Variants in RANBP17 observed in about 807,000 individuals in gnomAD.
The protein encoded by RANBP17 is RAN binding protein 17.
Under a neutral mutation model 141.2 loss-of-function variants are expected in RANBP17, and 158 were observed. That is an observed-to-expected ratio of 1.12 (90% CI 0.98 to 1.28). The LOEUF is 1.28. RANBP17 is among the 50% of genes most tolerant of loss of function. The probability of loss-of-function intolerance (pLI) is 0.00; values close to 1 mark genes in which losing one functional copy is unlikely to be tolerated. For missense variants in RANBP17, 1,438 were observed against 1,290.7 expected (o/e 1.11, Z -1.75); for synonymous variants, 430 against 450.0 (o/e 0.96, Z 0.56).
chr5:171,067,315 T>G (rs961663150), intron 14 of RANBP17, among the ~76,000 whole-genome samples: 4 of 152,144 alleles, frequency 2.6e-5, no homozygotes, highest in Admixed American at 2.0e-4. Flanking sequence ...ATTATTATTA[T>G]TGCCACAAAT....
At chr5:170,994,599 A>G (rs779347470) in intron 14 of RANBP17, among the ~76,000 whole-genome samples, 2 of 152,112 alleles carry the variant, frequency 1.3e-5, no homozygotes, top group Non-Finnish European at 2.9e-5. Flanking sequence ...TTCTATCCCA[A>G]GAAATGCTGA....
At chr5:170,949,562 A>G (rs1295083384) in intron 12 of RANBP17, among the ~76,000 whole-genome samples, 1 of 152,218 alleles carries the variant, frequency 6.6e-6, no homozygotes, top group East Asian at 1.9e-4. Flanking sequence ...ATATAATAAA[A>G]AAGAAAACTA....
intron 1 of RANBP17, among the ~76,000 whole-genome samples, chr5:170,865,446 G>C (rs1767168872): frequency 6.6e-6 from 1 of 152,124 alleles, no homozygotes; most frequent in Non-Finnish European, 1.5e-5. Context: ...AGATTCCAAA[G>C]GTTGTGTCCA....
At chr5:171,081,276 G>A (rs554187599) in intron 14 of RANBP17, among the ~76,000 whole-genome samples, 102 of 152,054 alleles carry the variant, frequency 6.7e-4, no homozygotes, top group African/African-American at 2.3e-3. Context: ...ATAAGTGATG[G>A]CCTTCACATC....
intron 14 of RANBP17, among the ~76,000 whole-genome samples, chr5:171,159,413 T>A (rs930079061): frequency 1.1e-4 from 17 of 152,184 alleles, no homozygotes; most frequent in African/African-American, 4.1e-4. Flanking sequence ...CTAAGCTAGA[T>A]CCTTGATATT....
At chr5:171,228,875 G>T (rs1764033398) in intron 22 of RANBP17, among the ~76,000 whole-genome samples, 1 of 152,012 alleles carries the variant, frequency 6.6e-6, no homozygotes, top group Non-Finnish European at 1.5e-5. Flanking sequence ...AAACAAGGTT[G>T]TTGCACACTT....
chr5:170,892,129 C>CT (rs143842890), intron 3 of RANBP17, among the ~76,000 whole-genome samples: 1,357 of 131,878 alleles, frequency 0.01, 21 homozygotes, highest in African/African-American at 0.028. Flanking sequence ...TCACAAAATT[C>CT]TTTTTTTTTT....
chr5:170,981,412 T>C (rs1352233527), intron 14 of RANBP17, among the ~76,000 whole-genome samples: 1 of 152,176 alleles, frequency 6.6e-6, no homozygotes, highest in Non-Finnish European at 1.5e-5. Context: ...TCTTGAATTC[T>C]CGTGTGTTGT....
At chr5:171,090,179 G>A (rs1271110612) in intron 14 of RANBP17, among the ~76,000 whole-genome samples, 1 of 152,186 alleles carries the variant, frequency 6.6e-6, no homozygotes, top group African/African-American at 2.4e-5. Context: ...CTTGTTGAAT[G>A]GCTTTGACCA....
chr5:170,919,442 A>C lies in RANBP17; in HGVS notation c.1103A>C (p.His368Pro), dbSNP rs773505311. 8 of 1,561,476 alleles carry C rather than the reference A, an allele frequency of 5.1e-6. 1 individual carries two copies. In the South Asian group the frequency reaches 9.8e-5, roughly 19 times the overall value. The change falls in exon 11 of 28, where the codon CAC (histidine) becomes CCC (proline). Residue 368 changes from histidine (H) to proline (P), a missense_variant and splice_region_variant. Physicochemically the swap from His to Pro is moderately conservative, Grantham distance 77. Transcript: ENST00000523189. ...IANFTITSLQHWEFAPNSVHY... is the reference protein window; with the variant it reads ...IANFTITSLQPWEFAPNSVHY... ...AACTTCTGCTTTATTTCTTTGTAGC[A>C]CTGGGAATTTGCTCCTAACAGTGTT...
chr5:171,047,476 G>T (rs1431229794), intron 14 of RANBP17, among the ~76,000 whole-genome samples: 4 of 133,012 alleles, frequency 3.0e-5, no homozygotes, highest in Admixed American at 8.9e-5. Flanking sequence ...TCACTCTGTC[G>T]CCCAGGCTGG....
chr5:171,277,251 A>G (rs1245392738), intron 25 of RANBP17, among the ~76,000 whole-genome samples: 1 of 151,970 alleles, frequency 6.6e-6, no homozygotes, highest in Admixed American at 6.6e-5. Context: ...TATTGTTTTT[A>G]TGACATAAGA....
At chr5:171,159,783 C>T (rs1391738237) in intron 14 of RANBP17, among the ~76,000 whole-genome samples, 1 of 151,520 alleles carries the variant, frequency 6.6e-6, no homozygotes, top group East Asian at 1.9e-4. Flanking sequence ...CTTAGCTGGG[C>T]GTGGTGGCAG....
At chr5:171,170,689 G>C (rs1380424613) in intron 15 of RANBP17, among the ~76,000 whole-genome samples, 1 of 152,092 alleles carries the variant, frequency 6.6e-6, no homozygotes, top group Admixed American at 6.6e-5. Flanking sequence ...CTAGTTTCTA[G>C]TCATAACTTT....
At chr5:171,000,941 C>T (rs1779161304) in intron 14 of RANBP17, among the ~76,000 whole-genome samples, 1 of 152,152 alleles carries the variant, frequency 6.6e-6, no homozygotes, top group Non-Finnish European at 1.5e-5. Flanking sequence ...GCTGTTTTCA[C>T]TTCTTTTGTG....
chr5:170,948,175 G>A (rs1474420087), intron 12 of RANBP17, among the ~76,000 whole-genome samples: 4 of 152,040 alleles, frequency 2.6e-5, no homozygotes, highest in East Asian at 3.9e-4. Context: ...GTGGTGTATC[G>A]GACATAAACA....
intron 14 of RANBP17, among the ~76,000 whole-genome samples, chr5:171,059,345 G>A (rs192230245): frequency 4.0e-4 from 61 of 152,282 alleles, no homozygotes; most frequent in Admixed American, 1.2e-3. Context: ...TTTGTTTAAG[G>A]TATAAGGAAG....
chr5:171,288,251 C>T (rs2128041894), intron 25 of RANBP17, among the ~76,000 whole-genome samples: 1 of 152,272 alleles, frequency 6.6e-6, no homozygotes, highest in Non-Finnish European at 1.5e-5. Context: ...GGAATCACTA[C>T]CCTGGATTCT....
intron 14 of RANBP17, among the ~76,000 whole-genome samples, chr5:171,121,455 C>T (rs544586328): frequency 6.6e-6 from 1 of 152,320 alleles, no homozygotes; most frequent in South Asian, 2.1e-4. Context: ...AGGTCAGGAA[C>T]TTATCTGCAG....
Sources: gnomAD v4.1 joint callset for allele counts (sites outside exome capture counted in the v4.1 genomes callset) on GRCh38, gnomAD v4.1.1 for gene constraint, MANE v1.5 for transcripts, NCBI Gene and HGNC (gene_info 2026-07-23, HGNC 2026-07-21) for gene names.